DPP8: variants seen among roughly 807,000 people sequenced by gnomAD.
The protein encoded by DPP8 is DPP VIII.
DPP8 carries 31 observed loss-of-function variants against 107.5 expected under a neutral mutation model. The ratio of observed to expected loss-of-function variants is 0.29; its 90% CI spans 0.22 to 0.39. DPP8 has a LOEUF of 0.39. Ranked by LOEUF, DPP8 falls within the 10% of genes least tolerant of loss-of-function variation. DPP8 has a pLI of 1.00. For synonymous variants in DPP8, 381 were observed against 356.6 expected (o/e 1.07, Z -0.77); for missense variants, 842 against 1,076.1 (o/e 0.78, Z 3.04).
At chr15:65,506,362 C>T (rs886628091) in intron 3 of DPP8, among the ~76,000 whole-genome samples, 1 of 151,930 alleles carries the variant, frequency 6.6e-6, no homozygotes, top group African/African-American at 2.4e-5. Flanking sequence ...TAAATAAATA[C>T]TCACTGTAAA....
chr15:65,501,862 T>G, intron 3 of DPP8, among the ~76,000 whole-genome samples: 1 of 152,150 alleles, frequency 6.6e-6, no homozygotes, highest in Middle Eastern at 3.2e-3. Context: ...GCTAGCAAAG[T>G]TTTCCAATTC....
chr15:65,495,421 T>G (rs933839003), intron 5 of DPP8, among the ~76,000 whole-genome samples: 2 of 151,776 alleles, frequency 1.3e-5, no homozygotes, highest in African/African-American at 2.4e-5. Context: ...CTGGTCAACA[T>G]GGTGAAACCC....
intron 6 of DPP8, among the ~76,000 whole-genome samples, chr15:65,488,570 T>C (rs1396488830): frequency 5.6e-5 from 7 of 123,924 alleles, no homozygotes; most frequent in Non-Finnish European, 1.1e-4. Flanking sequence ...ATTGCACCAC[T>C]GCACTCCAGC....
chr15:65,460,140 T>C (rs998143131), intron 15 of DPP8, among the ~76,000 whole-genome samples: 6 of 152,084 alleles, frequency 3.9e-5, no homozygotes, highest in Non-Finnish European at 8.8e-5. Flanking sequence ...ACAGAAATTC[T>C]GTACCCATTA....
chr15:65,470,198 A>G (rs1462613949), intron 12 of DPP8, among the ~76,000 whole-genome samples: 2 of 129,314 alleles, frequency 1.5e-5, no homozygotes, highest in Non-Finnish European at 3.0e-5. Context: ...CTTGTCTCAA[A>G]AAAAAAAAAA....
intron 3 of DPP8, among the ~76,000 whole-genome samples, chr15:65,505,063 T>C (rs1037712004): frequency 6.6e-6 from 1 of 151,778 alleles, no homozygotes; most frequent in African/African-American, 2.4e-5. Flanking sequence ...TCTTTAAAAC[T>C]GTCTGAGCAG....
rs2063438605 is a variant in DPP8 at position 65,444,955 on chromosome 15, TGGG to T, written c.*1926_*1928del. On this transcript the variant is annotated 3_prime_UTR_variant, in exon 20 of 20. Transcript: ENST00000300141. ...ATACTTAAGGGGGAAAATACTTTCT[TGGG>T]GAAGAAAGTTACCCAAATCAATTTA... The T allele has an allele frequency of 6.6e-6, 1 of 152,170 alleles. No homozygotes were observed. The highest frequency in any genetic ancestry group is 1.5e-5 in the Non-Finnish European group (1 of 68,034). The allele number at this position is 152,170 out of a possible 1,614,324, so 9.4% of individuals were successfully genotyped here.
rs1449262555 is a variant in DPP8, at chr15:65,477,676, C to T, written c.1456+1204G>A. Among the ~76,000 whole-genome samples the T allele has an allele frequency of 3.3e-5, 5 of 151,514 alleles. No individual in the cohort carries two copies. In the East Asian group the frequency reaches 7.9e-4, roughly 24 times the overall value. On this transcript the variant is annotated intron_variant, in intron 11 of 19. Transcript: ENST00000300141. ...TCCTGAGTAGCTGGGACTACAGGCG[C>T]CCACCACCACGCCCGGCTAATTTTT...
At chr15:65,469,689 A>G (rs1171284028) in intron 12 of DPP8, among the ~76,000 whole-genome samples, 2 of 149,522 alleles carry the variant, frequency 1.3e-5, no homozygotes, top group Non-Finnish European at 3.0e-5. Context: ...TACAAAAATT[A>G]GCCAAGTGTG....
At chr15:65,489,514 C>T (rs1337964904) in intron 6 of DPP8, among the ~76,000 whole-genome samples, 9 of 140,858 alleles carry the variant, frequency 6.4e-5, no homozygotes, top group Admixed American at 5.4e-4. Context: ...CCCAGGTTCA[C>T]GTCATTCTCC....
At chr15:65,504,506 C>T (rs1484796422) in intron 3 of DPP8, among the ~76,000 whole-genome samples, 1 of 150,736 alleles carries the variant, frequency 6.6e-6, no homozygotes, top group Admixed American at 6.6e-5. Flanking sequence ...CCTGTCTCTA[C>T]TAAAAATACA....
chr15:65,506,181 T>A (rs1053059406), intron 3 of DPP8, among the ~76,000 whole-genome samples: 9 of 151,232 alleles, frequency 6.0e-5, no homozygotes, highest in African/African-American at 2.2e-4. Context: ...AATACAAAAT[T>A]AGCTGGGCGT....
intron 1 of DPP8, among the ~76,000 whole-genome samples, chr15:65,514,490 A>G (rs2071195544): frequency 6.6e-6 from 1 of 152,090 alleles, no homozygotes; most frequent in Non-Finnish European, 1.5e-5. Flanking sequence ...TGTCAACGGA[A>G]CCAGTTTTGT....
chr15:65,456,822 G>A (rs943750301), intron 15 of DPP8, among the ~76,000 whole-genome samples: 2 of 151,966 alleles, frequency 1.3e-5, no homozygotes, highest in African/African-American at 2.4e-5. Flanking sequence ...TGAGATCTTT[G>A]GCTACCTCTG....
intron 2 of DPP8, among the ~76,000 whole-genome samples, chr15:65,511,300 A>G (rs992776823): frequency 1.3e-5 from 2 of 152,180 alleles, no homozygotes; most frequent in African/African-American, 4.8e-5. Context: ...TAGCCTGAGC[A>G]ACATGGCAAA....
At chr15:65,455,442 C>T (rs773870453) in intron 16 of DPP8, 7 of 202,242 alleles carry the variant, frequency 3.5e-5, no homozygotes, top group Non-Finnish European at 6.9e-5. Flanking sequence ...CCTACTTCTC[C>T]TTTTTAATTT....
intron 3 of DPP8, among the ~76,000 whole-genome samples, chr15:65,506,301 C>G (rs2069978811): frequency 6.6e-6 from 1 of 151,790 alleles, no homozygotes; most frequent in Non-Finnish European, 1.5e-5. Flanking sequence ...TGAACTCCAG[C>G]CTGGGCAAGA....
At position 65,478,947 on chromosome 15, in the gene DPP8, T is replaced by C. The variant is rs755495954; in HGVS notation, c.1389A>G (p.Leu463=). The C allele has an allele frequency of 3.8e-6, 6 of 1,597,514 alleles. No homozygotes were observed. The African/African-American group carries it at 4.0e-5, about 11-fold the overall frequency. The part of the protein sequence containing the change: ...ASECKTGFRH[L]YKITSILKES... ...CCTTTAAAATAGATGTAATTTTGTA[T>C]AAATGACGGAAACCTGTTTTGCATT... The change falls in exon 11 of 20, where the codon TTA becomes TTG. Residue 463 remains leucine (L), a synonymous_variant. Coordinates refer to ENST00000300141, the MANE Select transcript of DPP8 (RefSeq NM_130434.5).
intron 17 of DPP8, among the ~76,000 whole-genome samples, chr15:65,452,831 G>C (rs922529410): frequency 3.3e-5 from 5 of 151,992 alleles, no homozygotes; most frequent in African/African-American, 1.2e-4. Context: ...AATTAGCTGG[G>C]AATAGTGGTG....
Sources: gnomAD v4.1 joint callset for allele counts (sites outside exome capture counted in the v4.1 genomes callset) on GRCh38, gnomAD v4.1.1 for gene constraint, MANE v1.5 for transcripts, NCBI Gene and HGNC (gene_info 2026-07-23, HGNC 2026-07-21) for gene names.